CTDSPL: variants seen among roughly 807,000 people sequenced by gnomAD.
The protein encoded by CTDSPL is CTD small phosphatase like.
CTDSPL carries 8 observed loss-of-function variants against 30.5 expected under a neutral mutation model. The observed-to-expected ratio is 0.26, with a 90% CI of 0.15 to 0.47. CTDSPL has a LOEUF of 0.47. CTDSPL is among the 20% of genes least tolerant of loss of function. The pLI, the probability that CTDSPL is intolerant of heterozygous loss-of-function variation, is 0.99. For missense variants in CTDSPL, 248 were observed against 366.1 expected (o/e 0.68, Z 2.63); for synonymous variants, 110 against 137.9 (o/e 0.80, Z 1.42).
At chr3:37,878,214 T>G (rs1575278170) in intron 1 of CTDSPL, among the ~76,000 whole-genome samples, 1 of 152,168 alleles carries the variant, frequency 6.6e-6, no homozygotes, top group Non-Finnish European at 1.5e-5. Flanking sequence ...AGTTTATCAT[T>G]TTTTTTCTTT....
chr3:37,968,376 G>A, intron 5 of CTDSPL: 1 of 350,994 alleles, frequency 2.8e-6, no homozygotes, highest in Middle Eastern at 3.8e-4. Context: ...AAAGGGGGAA[G>A]GGTGTGAGTT....
chr3:37,932,990 T>TA (rs1698872410), intron 1 of CTDSPL, among the ~76,000 whole-genome samples: 1 of 151,868 alleles, frequency 6.6e-6, no homozygotes, highest in Non-Finnish European at 1.5e-5. Flanking sequence ...CTGTCTCTAC[T>TA]AAAAATACAA....
In CTDSPL at chr3:37,943,545, A is replaced by G. The variant is rs939597887; in HGVS notation, c.80-3512A>G. On this transcript the variant is annotated intron_variant, in intron 1 of 7. Transcript: ENST00000273179. ...TTAAAAATGAAAATCGTTACGGAAT[A>G]TTTTAGACTGACGTTCATAGTTGCT... Among the ~76,000 whole-genome samples the G allele has an allele frequency of 2.0e-5, 3 of 150,352 alleles. 1 individual carries two copies. Among genetic ancestry groups the G allele is most frequent in the Non-Finnish European group, 4.5e-5 (3 of 67,096 alleles).
chr3:37,868,587 GGC>G (rs1698038396), intron 1 of CTDSPL, among the ~76,000 whole-genome samples: 1 of 151,918 alleles, frequency 6.6e-6, no homozygotes, highest in Non-Finnish European at 1.5e-5. Context: ...TTTTTAATAA[GGC>G]GTGAAACTTT....
At chr3:37,937,738 A>G (rs1306876811) in intron 1 of CTDSPL, among the ~76,000 whole-genome samples, 2 of 150,514 alleles carry the variant, frequency 1.3e-5, no homozygotes, top group East Asian at 1.9e-4. Flanking sequence ...CCAATTATGT[A>G]TCAAGAGCAG....
intron 1 of CTDSPL, among the ~76,000 whole-genome samples, chr3:37,874,406 A>G (rs984981264): frequency 6.6e-6 from 1 of 152,182 alleles, no homozygotes; most frequent in Non-Finnish European, 1.5e-5. Flanking sequence ...TGGTCAGGAA[A>G]TGCTCTGGCC....
chr3:37,873,103 G>C (rs1698095124), intron 1 of CTDSPL, among the ~76,000 whole-genome samples: 2 of 152,146 alleles, frequency 1.3e-5, no homozygotes, highest in Non-Finnish European at 2.9e-5. Context: ...TGGGAGAAGA[G>C]GGAGCTCATT....
intron 1 of CTDSPL, among the ~76,000 whole-genome samples, chr3:37,872,943 T>G (rs1220570357): frequency 6.6e-6 from 1 of 152,220 alleles, no homozygotes; most frequent in Non-Finnish European, 1.5e-5. Flanking sequence ...TCTACTGTAC[T>G]GCAATGGGAG....
intron 1 of CTDSPL, 144 bp from the exon 2 acceptor site, chr3:37,946,913 G>A: frequency 1.4e-6 from 1 of 739,994 alleles, no homozygotes; most frequent in Non-Finnish European, 2.1e-6. Flanking sequence ...ACTTCCAGGA[G>A]CCCCTCATCT....
chr3:37,930,023 C>T (rs1698832793), intron 1 of CTDSPL, among the ~76,000 whole-genome samples: 1 of 151,592 alleles, frequency 6.6e-6, no homozygotes, highest in Admixed American at 6.6e-5. Flanking sequence ...AGGAGAATAG[C>T]TTGAACCGGG....
chr3:37,964,855 A>G (rs1044875727), intron 4 of CTDSPL, among the ~76,000 whole-genome samples, 183 bp downstream of exon 4: 1 of 152,250 alleles, frequency 6.6e-6, no homozygotes, highest in African/African-American at 2.4e-5. Context: ...GAATATTAAC[A>G]TAATTAGTTT....
intron 1 of CTDSPL, among the ~76,000 whole-genome samples, chr3:37,929,272 G>A (rs913036127): frequency 1.3e-5 from 2 of 152,048 alleles, no homozygotes; most frequent in African/African-American, 2.4e-5. Flanking sequence ...GTCTTTTGTG[G>A]CTCCATATGA....
At chr3:37,966,378 G>A (rs1372926127) in intron 4 of CTDSPL, among the ~76,000 whole-genome samples, 1 of 152,176 alleles carries the variant, frequency 6.6e-6, no homozygotes, top group East Asian at 1.9e-4. Context: ...CAATGCATAG[G>A]TTCATGGATC....
At chr3:37,971,712 A>G (rs1470619008) in intron 6 of CTDSPL, among the ~76,000 whole-genome samples, 1 of 152,192 alleles carries the variant, frequency 6.6e-6, no homozygotes, top group Non-Finnish European at 1.5e-5. Context: ...CACTTAGAAC[A>G]AATGCTCCAT....
chr3:37,908,927 G>A (rs114746683), intron 1 of CTDSPL, among the ~76,000 whole-genome samples: 224 of 152,236 alleles, frequency 1.5e-3, no homozygotes, highest in Non-Finnish European at 2.7e-3. Context: ...GAGTGGTCTT[G>A]GGTTATTCTT....
Position 37,982,653 on chromosome 3 carries a change from CA to C in CTDSPL, c.*1787del, listed in dbSNP as rs1300653994. 2.6e-5 allele frequency: 12 copies of C among 456,698 alleles called. No individual in the cohort carries two copies. Among genetic ancestry groups the C allele is most frequent in the Non-Finnish European group, 4.4e-5 (10 of 226,970 alleles). The allele number at this position is 456,698 out of a possible 1,614,324, so 28.3% of individuals were successfully genotyped here. On this transcript the variant is annotated 3_prime_UTR_variant, in exon 8 of 8. Transcript: ENST00000273179. ...AATATTCAGAAGGGAAGTAAGTATT[CA>C]GGGGGTAAACAGGTCTCCCAGCATT... is the stretch of plus-strand genomic sequence containing the variant.
intron 1 of CTDSPL, among the ~76,000 whole-genome samples, chr3:37,888,558 C>T (rs1035975288): frequency 3.9e-5 from 6 of 152,198 alleles, no homozygotes; most frequent in African/African-American, 1.2e-4. Flanking sequence ...CGTGAGCACT[C>T]AGCAAGTGAT....
chr3:37,953,082 A>G (rs983258836), intron 2 of CTDSPL, among the ~76,000 whole-genome samples: 2 of 152,274 alleles, frequency 1.3e-5, no homozygotes, highest in African/African-American at 4.8e-5. Flanking sequence ...TTATCTCAAT[A>G]TGTAATCAAT....
chr3:37,960,513 T>A lies in CTDSPL; in HGVS notation c.267+3370T>A, dbSNP rs866848827. Among the ~76,000 whole-genome samples, 154 of 36,438 alleles carry A rather than the reference T, an allele frequency of 4.2e-3. 2 individuals are homozygous for A. The highest frequency in any genetic ancestry group is 8.1e-3 in the African/African-American group (64 of 7,920). The allele number at this position is 36,438 out of a possible 152,430, so 23.9% of individuals were successfully genotyped here. The stretch of plus-strand genomic sequence containing the variant: ...AAAAAAAAAAAAAAAAAAATATATA[T>A]ATATATATATATATATATATATACA... On this transcript the variant is annotated intron_variant, in intron 3 of 7. Coordinates refer to ENST00000273179, the MANE Select transcript of CTDSPL (RefSeq NM_001008392.2).
Sources: allele counts gnomAD v4.1 joint callset (sites outside exome capture counted in the v4.1 genomes callset), GRCh38; gene constraint gnomAD v4.1.1; transcripts MANE v1.5; gene names NCBI Gene and HGNC (gene_info 2026-07-23, HGNC 2026-07-21).